ZPBP: variants seen among roughly 807,000 people sequenced by gnomAD.
The protein encoded by ZPBP is zona pellucida binding protein.
In ZPBP, 26 loss-of-function variants were observed where a neutral mutation model predicts 44.8. The observed-to-expected ratio is 0.58, with a 90% CI of 0.43 to 0.81. ZPBP has a LOEUF of 0.81. Ranked by LOEUF, ZPBP falls within the 30% of genes least tolerant of loss-of-function variation. The pLI is 0.00. For missense variants in ZPBP, 409 were observed against 434.0 expected, an observed-to-expected ratio of 0.94 and a Z score of 0.51; for synonymous variants, 174 against 153.2, an observed-to-expected ratio of 1.14 and a Z score of -1.00.
At chr7:50,013,373 C>T (rs1317555690) in intron 6 of ZPBP, among the ~76,000 whole-genome samples, 2 of 151,874 alleles carry the variant, frequency 1.3e-5, no homozygotes, top group East Asian at 1.9e-4. Flanking sequence ...ATGAAGGAGA[C>T]CACCATGTAA....
chr7:50,037,907 T>C (rs991582274), intron 4 of ZPBP, among the ~76,000 whole-genome samples: 9 of 152,162 alleles, frequency 5.9e-5, no homozygotes, highest in Admixed American at 4.6e-4. Flanking sequence ...TTTCTCATCC[T>C]AGCCCCAGCT....
chr7:49,941,684 C>A (rs1050403315), intron 7 of ZPBP, among the ~76,000 whole-genome samples: 13 of 151,904 alleles, frequency 8.6e-5, no homozygotes, highest in African/African-American at 3.1e-4. Flanking sequence ...TGGGTTGGAA[C>A]ACAATATTAA....
At chr7:49,881,690 T>C (rs1193145049) in intron 2 of ZPBP, among the ~76,000 whole-genome samples, 1 of 152,174 alleles carries the variant, frequency 6.6e-6, no homozygotes, top group African/African-American at 2.4e-5. Context: ...CTAAAAGTCT[T>C]TGGTTTGGTT....
At position 50,022,899 on chromosome 7, in the gene ZPBP, C is replaced by T. The variant is rs576536845; in HGVS notation, c.707-4583G>A. ...TGGACAAGCTCCACAGTTAAAACTG[C>T]AATGAGGAGTATTCTTGGGCAGTAG... On this transcript the variant is annotated intron_variant, in intron 5 of 7. Coordinates refer to ENST00000046087, the MANE Select transcript of ZPBP (RefSeq NM_007009.3). Among the ~76,000 whole-genome samples the T allele has an allele frequency of 4.3e-4, 66 of 152,170 alleles. 1 individual carries two copies. In the South Asian group the frequency reaches 9.5e-3, roughly 22 times the overall value.
At position 49,923,611 on chromosome 7, in the gene ZPBP, A is replaced by ACTT. The variant is rs58162011; in HGVS notation, n.411+12137_411+12139dup. On this transcript the variant is annotated intron_variant and non_coding_transcript_variant, in intron 1 of 2. Coordinates refer to the ZPBP transcript ENST00000465922. Reference sequence around the variant, plus strand: ...AATTCTGTGTGTTTTAAATATGAAAACTTCTTCTTCTTCTTCTAATAGTCA... The same window carrying ACTT: ...AATTCTGTGTGTTTTAAATATGAAAACTTCTTCTTCTTCTTCTTCTAATAGTCA... 3.1e-3 allele frequency among the ~76,000 whole-genome samples: 473 copies of ACTT among 151,054 alleles called. 3 individuals carry two copies. The highest frequency in any genetic ancestry group is 0.01 in the African/African-American group (430 of 41,156).
At chr7:49,848,820 C>T (rs1252040368), downstream of ZPBP, among the ~76,000 whole-genome samples, 1 of 152,182 alleles carries the variant, frequency 6.6e-6, no homozygotes, top group Non-Finnish European at 1.5e-5. Flanking sequence ...TTCAAATACA[C>T]TTTTATAGTA....
intron 2 of ZPBP, among the ~76,000 whole-genome samples, chr7:49,871,964 AAGAG>A (rs1791177642): frequency 7.9e-6 from 1 of 126,624 alleles, no homozygotes; most frequent in African/African-American, 2.9e-5. Flanking sequence ...CACACCGAGA[AAGAG>A]AGGGAGGGAG....
intron 5 of ZPBP, among the ~76,000 whole-genome samples, chr7:50,025,896 G>A (rs1432133107): frequency 6.6e-6 from 1 of 151,840 alleles, no homozygotes; most frequent in Non-Finnish European, 1.5e-5. Context: ...TCAAATATAA[G>A]TGGTTTAATT....
intron 1 of ZPBP, among the ~76,000 whole-genome samples, chr7:49,929,408 TGTGA>T (rs1353243346): frequency 6.6e-6 from 1 of 152,184 alleles, no homozygotes. Flanking sequence ...GATGACAGCC[TGTGA>T]GTGTCTTAGG....
intron 7 of ZPBP, among the ~76,000 whole-genome samples, chr7:49,971,585 T>C (rs7788033): frequency 0.75 from 113,825 of 152,030 alleles, 42,853 homozygotes; most frequent in East Asian, 0.89. Context: ...TGAACAGATT[T>C]ATAACTAGTA....
intron 2 of ZPBP, among the ~76,000 whole-genome samples, chr7:50,088,805 G>A (rs1023187221): frequency 6.7e-6 from 1 of 148,860 alleles, no homozygotes; most frequent in Non-Finnish European, 1.5e-5. Flanking sequence ...CATTGCTGGT[G>A]TGAAAGTAAA....
At chr7:49,977,529 A>G (rs66602625) in intron 7 of ZPBP, among the ~76,000 whole-genome samples, 77,059 of 151,962 alleles carry the variant, frequency 0.51, 20,384 homozygotes, top group East Asian at 0.69. Context: ...AAACCATCTC[A>G]AGATGATTAA....
chr7:50,090,902 T>C (rs565752859), intron 1 of ZPBP, among the ~76,000 whole-genome samples: 1 of 152,148 alleles, frequency 6.6e-6, no homozygotes, highest in Non-Finnish European at 1.5e-5. Context: ...TTTTCCATAG[T>C]GGTTGTACTA....
chr7:49,965,088 A>T (rs1796008142), intron 7 of ZPBP, among the ~76,000 whole-genome samples: 1 of 152,112 alleles, frequency 6.6e-6, no homozygotes, highest in Non-Finnish European at 1.5e-5. Flanking sequence ...AATTAATGTA[A>T]ACAGATCATT....
At chr7:49,984,147 C>A (rs1232623061) in intron 6 of ZPBP, among the ~76,000 whole-genome samples, 9 of 152,128 alleles carry the variant, frequency 5.9e-5, no homozygotes, top group Non-Finnish European at 1.3e-4. Flanking sequence ...CTAGTTAGTT[C>A]TACTCATTCT....
chr7:49,996,764 T>C (rs1196264916), intron 6 of ZPBP, among the ~76,000 whole-genome samples: 2 of 152,204 alleles, frequency 1.3e-5, no homozygotes, highest in Non-Finnish European at 2.9e-5. Flanking sequence ...AGCAATTTAG[T>C]AGGTGTCTCA....
chr7:49,947,369 T>A (rs898235858), intron 7 of ZPBP, among the ~76,000 whole-genome samples: 4 of 152,154 alleles, frequency 2.6e-5, no homozygotes, highest in Admixed American at 2.6e-4. Flanking sequence ...CAAAGAGACT[T>A]CAGTGTTGTG....
At chr7:49,898,960 T>C (rs1486311057) in intron 2 of ZPBP, among the ~76,000 whole-genome samples, 1 of 151,924 alleles carries the variant, frequency 6.6e-6, no homozygotes, top group Non-Finnish European at 1.5e-5. Context: ...GTGCAACAAA[T>C]AGAAAATAGT....
intron 2 of ZPBP, among the ~76,000 whole-genome samples, chr7:49,873,386 A>G (rs1282626004): frequency 1.3e-5 from 2 of 152,156 alleles, no homozygotes; most frequent in Non-Finnish European, 2.9e-5. Flanking sequence ...GGCCTCTTTC[A>G]TAATGGCACT....
Sources: gnomAD v4.1 joint callset for allele counts (sites outside exome capture counted in the v4.1 genomes callset) on GRCh38, gnomAD v4.1.1 for gene constraint, MANE v1.5 for transcripts, NCBI Gene and HGNC (gene_info 2026-07-23, HGNC 2026-07-21) for gene names.